TRDN: variants seen among roughly 807,000 people sequenced by gnomAD.
TRDN encodes the protein triadin in skeletal muscle.
In TRDN, 161 loss-of-function variants were observed where a neutral mutation model predicts 149.7. The ratio of observed to expected loss-of-function variants is 1.08; its 90% CI spans 0.95 to 1.23. The LOEUF (loss-of-function observed/expected upper bound fraction) is 1.23, where lower values mean the gene tolerates loss of function less well. Ranked by LOEUF, TRDN falls within the 50% of genes most tolerant of loss-of-function variation. TRDN has a pLI of 0.00. For synonymous variants in TRDN, 294 were observed against 250.5 expected, an observed-to-expected ratio of 1.17 and a Z score of -1.64; for missense variants, 896 against 823.5, an observed-to-expected ratio of 1.09 and a Z score of -1.08.
chr6:123,463,321 G>C (rs1391466642), intron 10 of TRDN, among the ~76,000 whole-genome samples: 1 of 148,744 alleles, frequency 6.7e-6, no homozygotes, highest in Non-Finnish European at 1.5e-5. Context: ...CTGGGCAGCA[G>C]AGCAAGACTC....
At chr6:123,285,997 T>C (rs1159467469) in intron 24 of TRDN, among the ~76,000 whole-genome samples, 2 of 152,094 alleles carry the variant, frequency 1.3e-5, no homozygotes, top group African/African-American at 4.8e-5. Context: ...CCTGCAAGAA[T>C]GGCCATAATC....
intron 21 of TRDN, among the ~76,000 whole-genome samples, chr6:123,343,533 T>C (rs1780141163): frequency 1.3e-5 from 2 of 151,956 alleles, no homozygotes; most frequent in South Asian, 2.1e-4. Context: ...ATTAATATAA[T>C]CAAAATAAAG....
rs761533603 is a variant in TRDN, at chr6:123,331,967, CAA to C, written c.1421-40_1421-39del. 21 of 1,473,044 alleles carry C rather than the reference CAA, an allele frequency of 1.4e-5. No homozygotes were observed. The South Asian group carries it at 2.4e-4, about 17-fold the overall frequency. The allele number at this position is 1,473,044 out of a possible 1,614,324, so 91.2% of individuals were successfully genotyped here. ...ATCGGACATTTATTTGAAGCCAAGA[CAA>C]AGAGATTTTCAGATACCTATAAATG... On this transcript the variant is annotated intron_variant, in intron 22 of 40. Coordinates refer to ENST00000334268, the MANE Select transcript of TRDN (RefSeq NM_006073.4).
chr6:123,257,857 G>A (rs1419577812), intron 35 of TRDN, among the ~76,000 whole-genome samples: 1 of 152,062 alleles, frequency 6.6e-6, no homozygotes, highest in Non-Finnish European at 1.5e-5. Context: ...CACATCCCTT[G>A]TAAGTTGTAT....
intron 2 of TRDN, among the ~76,000 whole-genome samples, chr6:123,555,866 G>C (rs1359007129): frequency 6.6e-6 from 1 of 152,116 alleles, no homozygotes; most frequent in Non-Finnish European, 1.5e-5. Context: ...AATGAAAATT[G>C]AATCCAGCTA....
intron 23 of TRDN, among the ~76,000 whole-genome samples, chr6:123,317,725 G>T (rs1349498338): frequency 6.6e-6 from 1 of 151,894 alleles, no homozygotes; most frequent in Non-Finnish European, 1.5e-5. Flanking sequence ...ATTAGTGCAA[G>T]AACTGTGTTT....
intron 12 of TRDN, among the ~76,000 whole-genome samples, chr6:123,406,805 C>G (rs1773209992): frequency 6.6e-6 from 1 of 152,110 alleles, no homozygotes; most frequent in Admixed American, 6.5e-5. Flanking sequence ...TTTCACATAA[C>G]AGGAAGTCCA....
chr6:123,466,040 T>C (rs533999232), intron 9 of TRDN, among the ~76,000 whole-genome samples: 158 of 152,340 alleles, frequency 1.0e-3, no homozygotes, highest in African/African-American at 3.6e-3. Flanking sequence ...ATGGTTCTTG[T>C]AGCTGTTACA....
In TRDN at chr6:123,222,497, T is replaced by A. The variant is rs79709961; in HGVS notation, c.2015-975A>T. On this transcript the variant is annotated intron_variant, in intron 39 of 40. Coordinates refer to ENST00000334268, the MANE Select transcript of TRDN (RefSeq NM_006073.4). ...GCTAGTCTTAATTCAATTTAAAAAA[T>A]ATATATATAAAATATAGTATTCAGA... is the stretch of plus-strand genomic sequence containing the variant. Among the ~76,000 whole-genome samples, 548 of 151,396 alleles carry A rather than the reference T, an allele frequency of 3.6e-3. 17 individuals carry two copies. The East Asian group carries it at 0.074, about 20-fold the overall frequency.
chr6:123,296,335 A>G (rs1254897712), intron 24 of TRDN, among the ~76,000 whole-genome samples: 1 of 152,142 alleles, frequency 6.6e-6, no homozygotes, highest in Admixed American at 6.6e-5. Flanking sequence ...CAGGCATTTT[A>G]CCATTTAAAT....
chr6:123,315,473 G>A (rs911381595), intron 24 of TRDN, among the ~76,000 whole-genome samples: 1 of 151,800 alleles, frequency 6.6e-6, no homozygotes, highest in Non-Finnish European at 1.5e-5. Flanking sequence ...GCTCTTAAGA[G>A]AAATGACTTT....
chr6:123,314,832 G>C (rs1778965524), intron 24 of TRDN, among the ~76,000 whole-genome samples: 1 of 151,838 alleles, frequency 6.6e-6, no homozygotes, highest in Non-Finnish European at 1.5e-5. Context: ...ACACACACTG[G>C]GGCCAATTGG....
chr6:123,518,675 C>G (rs972650513), intron 5 of TRDN, among the ~76,000 whole-genome samples: 1 of 152,114 alleles, frequency 6.6e-6, no homozygotes, highest in Admixed American at 6.6e-5. Flanking sequence ...TTCCTGTTAC[C>G]CTAGGGAGAA....
At chr6:123,314,707 A>G (rs949957636) in intron 24 of TRDN, among the ~76,000 whole-genome samples, 3 of 151,966 alleles carry the variant, frequency 2.0e-5, no homozygotes, top group African/African-American at 7.2e-5. Context: ...CACAGATGGA[A>G]CAAGGGCCAT....
intron 2 of TRDN, among the ~76,000 whole-genome samples, chr6:123,561,077 ACTTTC>A (rs1781967837): frequency 6.6e-6 from 1 of 152,144 alleles, no homozygotes; most frequent in Admixed American, 6.5e-5. Context: ...CTAGGTAGAC[ACTTTC>A]ACTGGATGGG....
At chr6:123,300,314 AATTAT>A in intron 24 of TRDN, among the ~76,000 whole-genome samples, 1 of 152,150 alleles carries the variant, frequency 6.6e-6, no homozygotes, top group East Asian at 1.9e-4. Flanking sequence ...AAAAAGTTCA[AATTAT>A]GGCTTTTGGA....
intron 24 of TRDN, among the ~76,000 whole-genome samples, chr6:123,290,889 G>A (rs1286319496): frequency 1.3e-5 from 2 of 152,150 alleles, no homozygotes; most frequent in African/African-American, 2.4e-5. Flanking sequence ...GGGTGCAGTG[G>A]ATCACAACTG....
At chr6:123,229,867 A>G (rs1775531733) in intron 38 of TRDN, among the ~76,000 whole-genome samples, 1 of 151,998 alleles carries the variant, frequency 6.6e-6, no homozygotes, top group Non-Finnish European at 1.5e-5. Context: ...TGATAAGTGA[A>G]TTCGCAAATT....
At chr6:123,473,798 T>C (rs1250691380) in intron 9 of TRDN, among the ~76,000 whole-genome samples, 1 of 151,890 alleles carries the variant, frequency 6.6e-6, no homozygotes, top group African/African-American at 2.4e-5. Flanking sequence ...TTCAACATTC[T>C]TAAAGAAAAG....
Sources: gnomAD v4.1 joint callset for allele counts (sites outside exome capture counted in the v4.1 genomes callset) on GRCh38, gnomAD v4.1.1 for gene constraint, MANE v1.5 for transcripts, NCBI Gene and HGNC (gene_info 2026-07-23, HGNC 2026-07-21) for gene names.